Variants in EPHA3 observed in about 807,000 individuals in gnomAD.
EPHA3 encodes ephrin type-A receptor 3.
Under a neutral mutation model 107.1 loss-of-function variants are expected in EPHA3, and 42 were observed. The ratio of observed to expected loss-of-function variants is 0.39; its 90% CI spans 0.31 to 0.51. EPHA3 has a LOEUF of 0.51. EPHA3 is among the 20% of genes least tolerant of loss of function. EPHA3 has a pLI of 0.78. For missense variants in EPHA3, 1,183 were observed against 1,211.2 expected (o/e 0.98, Z 0.35); for synonymous variants, 461 against 424.8 (o/e 1.09, Z -1.05).
At chr3:89,225,203 A>T (rs1251978414) in intron 3 of EPHA3, among the ~76,000 whole-genome samples, 3 of 152,144 alleles carry the variant, frequency 2.0e-5, no homozygotes, top group African/African-American at 7.2e-5. Context: ...GGCTATGATT[A>T]TGTGCTACTG....
chr3:89,327,892 A>G (rs1707202248), intron 3 of EPHA3, among the ~76,000 whole-genome samples: 1 of 151,830 alleles, frequency 6.6e-6, no homozygotes, highest in Non-Finnish European at 1.5e-5. Context: ...GAGGTGAGAA[A>G]TTTGAGACCA....
intron 3 of EPHA3, among the ~76,000 whole-genome samples, chr3:89,250,726 T>C (rs1157311316): frequency 2.0e-5 from 3 of 152,312 alleles, no homozygotes; most frequent in South Asian, 2.1e-4. Flanking sequence ...ATTAGCAAGA[T>C]CCTTTTCTAC....
chr3:89,241,318 C>CCTA (rs1480062780), intron 3 of EPHA3, among the ~76,000 whole-genome samples: 2 of 152,144 alleles, frequency 1.3e-5, no homozygotes, highest in African/African-American at 4.8e-5. Context: ...TCAGTGTTGA[C>CCTA]CTACTGTAGC....
At chr3:89,258,207 T>G (rs916849735) in intron 3 of EPHA3, among the ~76,000 whole-genome samples, 1 of 152,148 alleles carries the variant, frequency 6.6e-6, no homozygotes, top group African/African-American at 2.4e-5. Flanking sequence ...AACTAGCTTA[T>G]GTCCTGAAAG....
At chr3:89,124,201 A>C (rs1704039254) in intron 1 of EPHA3, among the ~76,000 whole-genome samples, 1 of 152,188 alleles carries the variant, frequency 6.6e-6, no homozygotes, top group South Asian at 2.1e-4. Flanking sequence ...ATGTTTAGAG[A>C]GGGGACAGCA....
intron 11 of EPHA3, among the ~76,000 whole-genome samples, chr3:89,424,511 C>T (rs1709418904): frequency 6.6e-6 from 1 of 151,038 alleles, no homozygotes; most frequent in South Asian, 2.1e-4. Context: ...CAATATTGTA[C>T]AGGAAATCTT....
chr3:89,358,564 G>A (rs1708017354), intron 5 of EPHA3, among the ~76,000 whole-genome samples: 1 of 151,028 alleles, frequency 6.6e-6, no homozygotes, highest in African/African-American at 2.4e-5. Flanking sequence ...CATGAATACA[G>A]CATGAAGTTG....
At chr3:89,247,566 A>C (rs138214185) in intron 3 of EPHA3, among the ~76,000 whole-genome samples, 2 of 152,256 alleles carry the variant, frequency 1.3e-5, no homozygotes, top group African/African-American at 4.8e-5. Context: ...AAGAAGCAGA[A>C]CCCAAAAGTA....
chr3:89,140,356 ATG>A lies in EPHA3; in HGVS notation c.153+13085_153+13086del. Among the ~76,000 whole-genome samples, 4 of 151,950 alleles carry A rather than the reference ATG, an allele frequency of 2.6e-5. No homozygotes were observed. In the South Asian group the frequency reaches 8.3e-4, roughly 31 times the overall value. On this transcript the variant is annotated intron_variant, in intron 2 of 16. Transcript: ENST00000336596. ...TAGTCTTAAAACAGAAGGATTGGATATGTTATCTTCTAGCCAGTAAATTCTCA... is the reference window on the plus strand; with the variant it reads ...TAGTCTTAAAACAGAAGGATTGGATATTATCTTCTAGCCAGTAAATTCTCA...
chr3:89,163,791 A>G (rs12633482), intron 2 of EPHA3, among the ~76,000 whole-genome samples: 85,699 of 151,860 alleles, frequency 0.56, 24,531 homozygotes, highest in Admixed American at 0.65. Flanking sequence ...AAGAGAACCT[A>G]CAGTGTTACT....
intron 2 of EPHA3, among the ~76,000 whole-genome samples, chr3:89,171,582 A>G (rs1373900451): frequency 2.6e-5 from 4 of 152,164 alleles, no homozygotes; most frequent in Non-Finnish European, 5.9e-5. Context: ...AAATAATGGG[A>G]AAGAAAACAG....
chr3:89,419,365 T>C lies in EPHA3; in HGVS notation c.2049T>C (p.Ile683=). Residue 683 remains isoleucine, a synonymous_variant, in exon 11 of 17, where the codon ATT becomes ATC. Transcript: ENST00000336596. ...GACAGTTTGACCACCCCAATATCAT[T>C]CGACTGGAAGGAGTTGTTACCAAAA... ...IMGQFDHPNI[I]RLEGVVTKSK... 6.3e-7 allele frequency: 1 copy of C among 1,598,726 alleles called. No individual in the cohort carries two copies. Among genetic ancestry groups the C allele is most frequent in the Non-Finnish European group, 8.5e-7 (1 of 1,173,124 alleles).
At chr3:89,419,090 A>C in intron 10 of EPHA3, 115 bp from the exon 11 acceptor site, 1 of 1,052,170 alleles carries the variant, frequency 9.5e-7, no homozygotes, top group Non-Finnish European at 1.4e-6. Context: ...TACATCTTGC[A>C]GGTCAAAGGC....
At chr3:89,316,504 TAA>T (rs1491560173) in intron 3 of EPHA3, among the ~76,000 whole-genome samples, 8 of 75,138 alleles carry the variant, frequency 1.1e-4, no homozygotes, top group East Asian at 8.5e-4. Context: ...TGTGTGTGTG[TAA>T]TATATATATA....
chr3:89,427,544 C>G (rs1179235538), intron 11 of EPHA3, among the ~76,000 whole-genome samples: 1 of 151,826 alleles, frequency 6.6e-6, no homozygotes, highest in Non-Finnish European at 1.5e-5. Context: ...GTCTTCTGGA[C>G]TTGGAAAAGG....
At chr3:89,387,300 C>G (rs879319510) in intron 5 of EPHA3, among the ~76,000 whole-genome samples, 1 of 152,184 alleles carries the variant, frequency 6.6e-6, no homozygotes, top group Admixed American at 6.5e-5. Flanking sequence ...GACAGTTACA[C>G]TCATGCCATT....
intron 5 of EPHA3, among the ~76,000 whole-genome samples, chr3:89,393,406 C>G (rs1218130446): frequency 1.3e-5 from 2 of 152,176 alleles, no homozygotes; most frequent in Admixed American, 1.3e-4. Context: ...AAAGTTAATA[C>G]AATCCTCATC....
intron 3 of EPHA3, among the ~76,000 whole-genome samples, chr3:89,262,850 C>A (rs1432150264): frequency 6.6e-6 from 1 of 151,986 alleles, no homozygotes. Flanking sequence ...GGTGCAGGAG[C>A]CACAGCAAGC....
intron 5 of EPHA3, among the ~76,000 whole-genome samples, chr3:89,394,880 G>A (rs1708817141): frequency 6.6e-6 from 1 of 152,184 alleles, no homozygotes; most frequent in South Asian, 2.1e-4. Context: ...AAGGCAGGGT[G>A]CCACTGAACT....
Sources: gnomAD v4.1 joint callset for allele counts (sites outside exome capture counted in the v4.1 genomes callset) on GRCh38, gnomAD v4.1.1 for gene constraint, MANE v1.5 for transcripts, NCBI Gene and HGNC (gene_info 2026-07-23, HGNC 2026-07-21) for gene names.